The following PLEKHA2 variants were observed in gnomAD, a reference collection of about 807,000 sequenced individuals.
The protein encoded by PLEKHA2 is pleckstrin homology domain containing A2.
Under a neutral mutation model 53.2 loss-of-function variants are expected in PLEKHA2, and 28 were observed. The ratio of observed to expected loss-of-function variants is 0.53; its 90% CI spans 0.39 to 0.72. The LOEUF is 0.72. Ranked by LOEUF, PLEKHA2 falls within the 30% of genes least tolerant of loss-of-function variation. The pLI is 0.00. For synonymous variants in PLEKHA2, 193 were observed against 196.4 expected, an observed-to-expected ratio of 0.98 and a Z score of 0.14; for missense variants, 426 against 537.9, an observed-to-expected ratio of 0.79 and a Z score of 2.06.
intron 2 of PLEKHA2, among the ~76,000 whole-genome samples, chr8:38,924,765 G>C (rs993600837): frequency 6.6e-6 from 1 of 152,206 alleles, no homozygotes; most frequent in African/African-American, 2.4e-5. Context: ...TACGGTGGGG[G>C]TGTGTTGGGG....
chr8:38,951,447 T>C (rs1271079639), intron 6 of PLEKHA2, among the ~76,000 whole-genome samples: 1 of 151,568 alleles, frequency 6.6e-6, no homozygotes, highest in Non-Finnish European at 1.5e-5. Flanking sequence ...TTTTCCTGTT[T>C]TAATTATTTA....
At chr8:38,904,106 T>C (rs1833834700) in intron 1 of PLEKHA2, among the ~76,000 whole-genome samples, 2 of 152,084 alleles carry the variant, frequency 1.3e-5, no homozygotes, top group South Asian at 2.1e-4. Flanking sequence ...GCGGGGGAGA[T>C]AGGGCAGCTG....
At chr8:38,926,251 T>C (rs1280128206) in intron 2 of PLEKHA2, among the ~76,000 whole-genome samples, 1 of 152,146 alleles carries the variant, frequency 6.6e-6, no homozygotes, top group Non-Finnish European at 1.5e-5. Context: ...TGCTTTTGTC[T>C]GTAGTGTGTT....
chr8:38,933,592 C>T (rs1014186154), intron 2 of PLEKHA2, among the ~76,000 whole-genome samples: 3 of 151,686 alleles, frequency 2.0e-5, no homozygotes, highest in African/African-American at 7.3e-5. Context: ...GTTCCTGTGT[C>T]CCTGGAGCCC....
chr8:38,951,535 A>G (rs1408371710), intron 6 of PLEKHA2, among the ~76,000 whole-genome samples: 2 of 137,152 alleles, frequency 1.5e-5, no homozygotes, highest in African/African-American at 5.7e-5. Flanking sequence ...AAGTGCATAT[A>G]CACATAATCA....
chr8:38,914,544 G>T (rs947283780), intron 1 of PLEKHA2, among the ~76,000 whole-genome samples: 1 of 152,270 alleles, frequency 6.6e-6, no homozygotes, highest in African/African-American at 2.4e-5. Flanking sequence ...TTGTGTGGCT[G>T]TGGACAGAGG....
chr8:38,955,288 G>A (rs1834919160), intron 9 of PLEKHA2, among the ~76,000 whole-genome samples: 1 of 152,160 alleles, frequency 6.6e-6, no homozygotes. Flanking sequence ...CTCCTCAATA[G>A]TTGTTTATGT....
chr8:38,915,574 G>A (rs1039950099), intron 1 of PLEKHA2, among the ~76,000 whole-genome samples: 1 of 152,162 alleles, frequency 6.6e-6, no homozygotes, highest in Non-Finnish European at 1.5e-5. Context: ...TGCTAACTCC[G>A]TCACCTCTTT....
chr8:38,928,606 G>A (rs1032836535), intron 2 of PLEKHA2, among the ~76,000 whole-genome samples: 1 of 152,218 alleles, frequency 6.6e-6, no homozygotes, highest in Non-Finnish European at 1.5e-5. Flanking sequence ...AAGGGAATGG[G>A]GGTGTGGCTG....
chr8:38,908,887 G>C (rs1217893339), intron 1 of PLEKHA2, among the ~76,000 whole-genome samples: 1 of 152,170 alleles, frequency 6.6e-6, no homozygotes, highest in East Asian at 1.9e-4. Context: ...GCTCACGCCT[G>C]TAATCCCAGC....
At chr8:38,904,516 G>GC (rs1193227181) in intron 1 of PLEKHA2, among the ~76,000 whole-genome samples, 2 of 152,238 alleles carry the variant, frequency 1.3e-5, no homozygotes, top group Non-Finnish European at 2.9e-5. Context: ...TGGTATGATT[G>GC]CCCATGGCTG....
At chr8:38,953,408 T>C (rs768606064) in intron 9 of PLEKHA2, 41 bp downstream of exon 9, 15 of 1,528,040 alleles carry the variant, frequency 9.8e-6, no homozygotes, top group Non-Finnish European at 8.2e-6. Flanking sequence ...CAAACCTCCA[T>C]TTGTCCTCTT....
At chr8:38,906,610 C>T (rs1353690569) in intron 1 of PLEKHA2, among the ~76,000 whole-genome samples, 13 of 152,174 alleles carry the variant, frequency 8.5e-5, no homozygotes, top group African/African-American at 2.2e-4. Flanking sequence ...TCCCTTCTCT[C>T]GCACTTTATT....
At chr8:38,955,720 C>T (rs1427926474) in intron 9 of PLEKHA2, among the ~76,000 whole-genome samples, 1 of 152,224 alleles carries the variant, frequency 6.6e-6, no homozygotes, top group Non-Finnish European at 1.5e-5. Flanking sequence ...TGCAGGCTTT[C>T]TCATTCATAA....
chr8:38,914,150 T>C (rs1025985306), intron 1 of PLEKHA2, among the ~76,000 whole-genome samples: 1 of 152,244 alleles, frequency 6.6e-6, no homozygotes, highest in African/African-American at 2.4e-5. Flanking sequence ...CTCGCCTGCT[T>C]TGCTCTTTGT....
chr8:38,938,790 G>A (rs925801758), intron 3 of PLEKHA2, among the ~76,000 whole-genome samples: 3 of 152,184 alleles, frequency 2.0e-5, no homozygotes, highest in South Asian at 2.1e-4. Context: ...CCTCACTGGA[G>A]TCAGACGGTC....
rs1191704934 is a variant in PLEKHA2, at chr8:38,922,378, G to A, written c.141+4308G>A. ...GAATGAGCCAGCTAAAGAGGGCCAG[G>A]GAAGGAAGTGGTCAGAAGTCAGGTC... On this transcript the variant is annotated intron_variant, in intron 2 of 11. Transcript: ENST00000617275. The surrounding 1 kb of genome is among the most constrained non-coding windows in gnomAD (Gnocchi z 4.0). 6.6e-6 allele frequency among the ~76,000 whole-genome samples: 1 copy of A among 152,214 alleles called. No individual in the cohort carries two copies. The highest frequency in any genetic ancestry group is 2.1e-4 in the South Asian group (1 of 4,830).
intron 9 of PLEKHA2, 59 bp from the exon 10 acceptor site, chr8:38,957,264 A>G (rs564455524): frequency 7.1e-7 from 1 of 1,402,386 alleles, no homozygotes; most frequent in African/African-American, 1.4e-5. Flanking sequence ...CTTAGGACAT[A>G]TCGAGTCCTC....
chr8:38,954,383 G>A (rs115547685), intron 9 of PLEKHA2, among the ~76,000 whole-genome samples: 3,570 of 152,286 alleles, frequency 0.023, 127 homozygotes, highest in African/African-American at 0.082. Context: ...TAGGCAGAGG[G>A]AAGATTGGGC....
Sources: gnomAD v4.1 joint callset for allele counts (sites outside exome capture counted in the v4.1 genomes callset) on GRCh38, gnomAD v4.1.1 for gene constraint, Gnocchi (gnomAD v3.1) non-coding constraint, MANE v1.5 for transcripts, NCBI Gene and HGNC (gene_info 2026-07-23, HGNC 2026-07-21) for gene names.